Variants in MCPH1 observed in about 807,000 individuals in gnomAD.
MCPH1 encodes microcephalin.
MCPH1 carries 104 observed loss-of-function variants against 84.5 expected under a neutral mutation model. The observed-to-expected ratio is 1.23, with a 90% CI of 1.05 to 1.45. The LOEUF (loss-of-function observed/expected upper bound fraction) is 1.45. MCPH1 is among the 40% of genes most tolerant of loss of function. The probability of loss-of-function intolerance (pLI) is 0.00; values close to 1 mark genes in which losing one functional copy is unlikely to be tolerated. For synonymous variants in MCPH1, 514 were observed against 366.8 expected (o/e 1.40, Z -4.58); for missense variants, 1,498 against 1,005.7 (o/e 1.49, Z -6.62).
chr8:6,486,078 G>A (rs1169775559), intron 11 of MCPH1, among the ~76,000 whole-genome samples: 8 of 152,096 alleles, frequency 5.3e-5, no homozygotes, highest in Non-Finnish European at 8.8e-5. Flanking sequence ...TTTGAGAGAG[G>A]ATAGTTGCCA....
chr8:6,474,081 CA>C, intron 9 of MCPH1: 1 of 785,300 alleles, frequency 1.3e-6, no homozygotes, highest in Admixed American at 1.7e-5. Flanking sequence ...ATTCTCAACA[CA>C]AAAACTATGT....
rs1392010670 is a variant in MCPH1, at chr8:6,647,610, G to T, written c.*4561G>T. 1 of 152,094 alleles carries T rather than the reference G, an allele frequency of 6.6e-6. No individual in the cohort carries two copies. Among genetic ancestry groups the T allele is most frequent in the East Asian group, 1.9e-4 (1 of 5,196 alleles). The allele number at this position is 152,094 out of a possible 1,614,324, so 9.4% of individuals were successfully genotyped here. A position where few individuals can be genotyped will look rare whatever the true frequency, so the allele number is the denominator to read the frequency against. On this transcript the variant is annotated 3_prime_UTR_variant, in exon 14 of 14. Coordinates refer to ENST00000344683, the MANE Select transcript of MCPH1 (RefSeq NM_024596.5). ...AAAAGCAACAAACTACTAAACACGTGCAACAACATGAATGAGCCTCAGAAA... is the reference window on the plus strand; with the variant it reads ...AAAAGCAACAAACTACTAAACACGTTCAACAACATGAATGAGCCTCAGAAA...
Position 6,439,016 on chromosome 8 carries a change from A to G in MCPH1, c.500A>G (p.Glu167Gly). ...NGSLIYTPTI[E>G]INSRHHSAME... ...TCATTAATATATACTCCCACAATTGAAATTAATAGTAGGCACCACAGCGCA... is the reference window on the plus strand; with the variant it reads ...TCATTAATATATACTCCCACAATTGGAATTAATAGTAGGCACCACAGCGCA... The change falls in exon 6 of 14, where the codon GAA (glutamate) becomes GGA (glycine). Residue 167 changes from glutamate to glycine, a missense_variant. Physicochemically the swap from Glu to Gly is moderately conservative, Grantham distance 98 (BLOSUM62 -2). Coordinates refer to ENST00000344683, the MANE Select transcript of MCPH1 (RefSeq NM_024596.5). 1 of 1,611,916 alleles carries G rather than the reference A, an allele frequency of 6.2e-7. No homozygotes were observed. Among genetic ancestry groups the G allele is most frequent in the Non-Finnish European group, 8.5e-7 (1 of 1,178,160 alleles).
chr8:6,463,695 C>T (rs1187032472), intron 9 of MCPH1, among the ~76,000 whole-genome samples: 1 of 152,166 alleles, frequency 6.6e-6, no homozygotes, highest in African/African-American at 2.4e-5. Context: ...AGATGCCTTC[C>T]TGAGCAGAGA....
intron 9 of MCPH1, among the ~76,000 whole-genome samples, chr8:6,472,328 A>G (rs970119248): frequency 1.3e-5 from 2 of 152,190 alleles, no homozygotes; most frequent in East Asian, 1.9e-4. Context: ...TGATGTGACA[A>G]TTTGTCCCAT....
chr8:6,454,442 G>A (rs897595796), intron 8 of MCPH1, among the ~76,000 whole-genome samples: 3 of 152,150 alleles, frequency 2.0e-5, no homozygotes, highest in African/African-American at 7.2e-5. Flanking sequence ...TCCCATGTAA[G>A]TCATAAAGTA....
chr8:6,529,598 A>G (rs1819060222), intron 12 of MCPH1, among the ~76,000 whole-genome samples: 1 of 150,730 alleles, frequency 6.6e-6, no homozygotes, highest in African/African-American at 2.4e-5. Flanking sequence ...CTGGGTCTAT[A>G]AGTGCACACA....
At chr8:6,524,002 G>C (rs962343373) in intron 12 of MCPH1, among the ~76,000 whole-genome samples, 5 of 151,780 alleles carry the variant, frequency 3.3e-5, no homozygotes, top group South Asian at 2.1e-4. Context: ...AGCAACTAAA[G>C]ATGTTTCAAT....
rs114546758 is a variant in MCPH1, at chr8:6,611,553, G to A, written c.2215-9901G>A. ...TACGGAGCTGCCATGCCCTCTCAGG[G>A]GGCATCACCTCCTGCACCAGGGTGT... is the stretch of plus-strand genomic sequence containing the variant. On this transcript the variant is annotated intron_variant, in intron 12 of 13. Coordinates refer to ENST00000344683, the MANE Select transcript of MCPH1 (RefSeq NM_024596.5). Among the ~76,000 whole-genome samples, 1,056 of 152,328 alleles carry A rather than the reference G, an allele frequency of 6.9e-3. 11 individuals are homozygous for A. The highest frequency in any genetic ancestry group is 0.024 in the African/African-American group (1,001 of 41,574).
chr8:6,558,252 CTCCA>C (rs1160682887), intron 12 of MCPH1, among the ~76,000 whole-genome samples: 3 of 152,202 alleles, frequency 2.0e-5, no homozygotes, highest in African/African-American at 7.2e-5. Context: ...GAGTGCTAAT[CTCCA>C]AGAAAGGGAT....
intron 12 of MCPH1, chr8:6,618,840 G>A (rs1262101113): frequency 1.3e-5 from 2 of 152,206 alleles, no homozygotes; most frequent in East Asian, 3.8e-4. Context: ...TGGTCCGTCA[G>A]TGACTTAGAA....
Position 6,647,472 on chromosome 8 carries a change from T to A in MCPH1, c.*4423T>A, listed in dbSNP as rs114551791. ...ACATGGATCTGCACAAGGTCTTGTA[T>A]ACAAATGTTCATAGCAACATTATTC... On this transcript the variant is annotated 3_prime_UTR_variant, in exon 14 of 14. Transcript: ENST00000344683. 1 of 152,214 alleles carries A rather than the reference T, an allele frequency of 6.6e-6. No individual in the cohort carries two copies. Among genetic ancestry groups the A allele is most frequent in the Admixed American group, 6.5e-5 (1 of 15,284 alleles). 9.4% of individuals were successfully genotyped at this position (152,214 alleles called of 1,614,324 possible).
At chr8:6,609,085 A>G (rs1164423454) in intron 12 of MCPH1, among the ~76,000 whole-genome samples, 1 of 152,172 alleles carries the variant, frequency 6.6e-6, no homozygotes, top group Non-Finnish European at 1.5e-5. Flanking sequence ...CTTTCGTGTT[A>G]TTATAAGGTT....
At chr8:6,479,412 A>T (rs201842075) in intron 10 of MCPH1, among the ~76,000 whole-genome samples, 1 of 20,036 alleles carries the variant, frequency 5.0e-5, no homozygotes, top group African/African-American at 6.6e-5. Flanking sequence ...CTATTTATTT[A>T]TTTATTTATT....
intron 9 of MCPH1, among the ~76,000 whole-genome samples, chr8:6,475,793 T>G (rs546502653): frequency 3.3e-5 from 5 of 152,162 alleles, no homozygotes; most frequent in Admixed American, 2.0e-4. Context: ...AGCCATGAGT[T>G]TCAGGATCAC....
chr8:6,562,570 T>TTTTTTTTTTTTTTTTTTTTTTTTTA (rs1329743969), intron 12 of MCPH1: 1 of 400,176 alleles, frequency 2.5e-6, no homozygotes, highest in Non-Finnish European at 4.3e-6. Context: ...TTTTTTTTTT[T>TTTTTTTTTTTTTTTTTTTTTTTTTA]TGGTTGTTAA....
In MCPH1 at chr8:6,592,623, GTT is replaced by G. The variant is rs573651366; in HGVS notation, c.2215-28812_2215-28811del. On this transcript the variant is annotated intron_variant, in intron 12 of 13. Coordinates refer to ENST00000344683, the MANE Select transcript of MCPH1 (RefSeq NM_024596.5). ...GCTCTCGTTTTTCTTTCTTTTTTTT[GTT>G]TTTTTTTTTTTTTTTTTTGTTGCTG... is the stretch of plus-strand genomic sequence containing the variant. 6.0e-3 allele frequency among the ~76,000 whole-genome samples: 468 copies of G among 77,590 alleles called. 2 individuals carry two copies. Among genetic ancestry groups the G allele is most frequent in the South Asian group, 0.016 (30 of 1,868 alleles). The allele number at this position is 77,590 out of a possible 152,430, so 50.9% of individuals were successfully genotyped here.
In MCPH1 at chr8:6,432,239, T is replaced by C. The variant is rs115574251; in HGVS notation, c.321+653T>C. Among the ~76,000 whole-genome samples, 1,248 of 152,366 alleles carry C rather than the reference T, an allele frequency of 8.2e-3. 20 individuals are homozygous for C. The highest frequency in any genetic ancestry group is 0.029 in the African/African-American group (1,187 of 41,586). On this transcript the variant is annotated intron_variant, in intron 4 of 13. Transcript: ENST00000344683. ...CCTGCCTCAACCTCCCAATTGGGAT[T>C]ACAGGCGTGAGCCACTGCACCTGGC...
chr8:6,508,630 G>C (rs79055135), intron 12 of MCPH1: 6,706 of 561,610 alleles, frequency 0.012, 374 homozygotes, highest in African/African-American at 0.11. Flanking sequence ...CATCTCTCTA[G>C]TATCCAGCAA....
Sources: gnomAD v4.1 joint callset for allele counts (sites outside exome capture counted in the v4.1 genomes callset) on GRCh38, gnomAD v4.1.1 for gene constraint, MANE v1.5 for transcripts, NCBI Gene and HGNC (gene_info 2026-07-23, HGNC 2026-07-21) for gene names.